Variants in ANXA8 observed in about 807,000 individuals in gnomAD.
ANXA8 encodes the protein annexin A8.
In ANXA8, 9 loss-of-function variants were observed where a neutral mutation model predicts 26.8. That is an observed-to-expected ratio of 0.34 (90% confidence interval 0.20 to 0.59). ANXA8 has a LOEUF of 0.59. Among genes scored for constraint, ANXA8 ranks in the 20% least tolerant of loss-of-function variants. The pLI is 0.84. For synonymous variants in ANXA8, 39 were observed against 94.8 expected (o/e 0.41, Z 3.42); for missense variants, 83 against 238.5 (o/e 0.35, Z 4.29).
At chr10:47,898,811 ATTTTTTTT>A in the ANXA8 span, among the ~76,000 whole-genome samples, 996 of 56,192 alleles carry the variant, frequency 0.018, 13 homozygotes, top group African/African-American at 0.075. Context: ...AAGAGAATGG[ATTTTTTTT>A]TTTTTTTTTT....
chr10:47,519,360 C>T, the ANXA8 span, among the ~76,000 whole-genome samples: 128 of 112,652 alleles, frequency 1.1e-3, 9 homozygotes, highest in Non-Finnish European at 1.8e-3. Flanking sequence ...CCCAACTACT[C>T]GGGAGGCTGA....
the ANXA8 span, among the ~76,000 whole-genome samples, chr10:47,939,072 C>T: frequency 6.9e-6 from 1 of 145,554 alleles, no homozygotes; most frequent in Non-Finnish European, 1.5e-5. Flanking sequence ...TTTCTCTTTG[C>T]TTCTCAGCTG....
the ANXA8 span, among the ~76,000 whole-genome samples, chr10:47,583,868 C>T: frequency 0.013 from 1,782 of 137,652 alleles, 97 homozygotes; most frequent in African/African-American, 0.051. Flanking sequence ...AGAAGCCTTA[C>T]CTCCCAATTA....
chr10:47,675,856 A>T, the ANXA8 span, among the ~76,000 whole-genome samples: 2 of 151,836 alleles, frequency 1.3e-5, no homozygotes, highest in African/African-American at 2.4e-5. Context: ...TGATTGAATG[A>T]TAAAGGTTAA....
chr10:47,594,134 G>C, the ANXA8 span, among the ~76,000 whole-genome samples: 1 of 149,174 alleles, frequency 6.7e-6, no homozygotes, highest in African/African-American at 2.6e-5. Flanking sequence ...TGGCTTCCCT[G>C]CTCCTCAGCT....
chr10:47,733,283 C>CTTTCTTTCTTTTT, the ANXA8 span, among the ~76,000 whole-genome samples: 1 of 80,524 alleles, frequency 1.2e-5, no homozygotes, highest in African/African-American at 5.9e-5. Context: ...TTCTTTCTTT[C>CTTTCTTTCTTTTT]TTTCTTTCTT....
the ANXA8 span, among the ~76,000 whole-genome samples, chr10:47,627,844 TTA>T: frequency 1.3e-5 from 2 of 149,158 alleles, no homozygotes; most frequent in African/African-American, 5.1e-5. Flanking sequence ...TTACTCTCAT[TTA>T]TGCAGCTAAA....
the ANXA8 span, among the ~76,000 whole-genome samples, chr10:47,945,354 T>G: frequency 4.8e-4 from 73 of 150,586 alleles, no homozygotes; most frequent in Non-Finnish European, 6.2e-4. Flanking sequence ...TGACTCGATG[T>G]TATGGGCTCA....
At chr10:47,484,777 G>A (rs1366362339), upstream of ANXA8, 1 of 605,572 alleles carries the variant, frequency 1.7e-6, no homozygotes, top group African/African-American at 2.0e-5. Flanking sequence ...GGTGTTCCTG[G>A]AGCCTGGAAG....
the ANXA8 span, among the ~76,000 whole-genome samples, chr10:47,733,183 T>TTCTTTCTTTCTTTCTTTCTCTCTCTCTC: frequency 2.3e-4 from 20 of 86,956 alleles, no homozygotes; most frequent in Non-Finnish European, 3.2e-4. Context: ...CTTTCTTTCT[T>TTCTTTCTTTCTTTCTTTCTCTCTCTCTC]TCTTTCTTTC....
the ANXA8 span, among the ~76,000 whole-genome samples, chr10:47,925,509 TGAGGACG>T: frequency 7.9e-6 from 1 of 126,152 alleles, no homozygotes; most frequent in Non-Finnish European, 1.7e-5. Flanking sequence ...CAGACATGCT[TGAGGACG>T]GAGGGCCAGG....
the ANXA8 span, among the ~76,000 whole-genome samples, chr10:47,595,022 A>T: frequency 6.7e-6 from 1 of 149,190 alleles, no homozygotes; most frequent in Admixed American, 6.6e-5. Context: ...TAGAGAAAAG[A>T]GCAACACTAC....
chr10:47,495,746 T>C, the ANXA8 span, among the ~76,000 whole-genome samples: 1 of 148,804 alleles, frequency 6.7e-6, no homozygotes, highest in Non-Finnish European at 1.5e-5. Flanking sequence ...ATTAGGAAGC[T>C]GGGAAGCCAC....
the ANXA8 span, among the ~76,000 whole-genome samples, chr10:47,576,455 C>CTTTT: frequency 4.0e-5 from 3 of 74,178 alleles, no homozygotes; most frequent in African/African-American, 4.7e-5. Flanking sequence ...ACATCCCTAT[C>CTTTT]TTTTTTTTTT....
the ANXA8 span, among the ~76,000 whole-genome samples, chr10:47,972,534 C>T: frequency 6.2e-4 from 78 of 126,594 alleles, 1 homozygote; most frequent in Non-Finnish European, 8.5e-4. Flanking sequence ...AAGGATAAGT[C>T]GGATCTTCAA....
the ANXA8 span, among the ~76,000 whole-genome samples, chr10:47,733,221 C>CTCTCTTTCTT: frequency 3.4e-5 from 2 of 58,188 alleles, no homozygotes; most frequent in Admixed American, 1.9e-4. Flanking sequence ...TTCTTTCTTT[C>CTCTCTTTCTT]TCTTTCTTTC....
chr10:47,776,116 G>A, the ANXA8 span, among the ~76,000 whole-genome samples: 1 of 152,034 alleles, frequency 6.6e-6, no homozygotes, highest in African/African-American at 2.4e-5. Context: ...AAACCGGTCT[G>A]GGAAGCTCCA....
chr10:47,548,480 T>C, the ANXA8 span, among the ~76,000 whole-genome samples: 425 of 149,824 alleles, frequency 2.8e-3, no homozygotes, highest in Non-Finnish European at 4.3e-3. Context: ...TTTGTATTTT[T>C]AGTAGAGACG....
upstream of ANXA8, among the ~76,000 whole-genome samples, chr10:47,488,754 G>A (rs1840091322): frequency 9.8e-6 from 1 of 102,402 alleles, no homozygotes; most frequent in Non-Finnish European, 1.7e-5. Flanking sequence ...TTGAGACAGA[G>A]TATCACACTG....
Sources: gnomAD v4.1 joint callset for allele counts (sites outside exome capture counted in the v4.1 genomes callset) on GRCh38, gnomAD v4.1.1 for gene constraint, MANE v1.5 for transcripts, NCBI Gene and HGNC (gene_info 2026-07-23, HGNC 2026-07-21) for gene names.